SLC47A1: variants seen among roughly 807,000 people sequenced by gnomAD.
SLC47A1 encodes the protein multidrug and toxin extrusion protein 1.
Under a neutral mutation model 65.8 loss-of-function variants are expected in SLC47A1, and 58 were observed. The ratio of observed to expected loss-of-function variants is 0.88; its 90% CI spans 0.71 to 1.10. SLC47A1 has a LOEUF of 1.10. SLC47A1 is among the 50% of genes least tolerant of loss of function. SLC47A1 has a pLI of 0.00. For missense variants in SLC47A1, 706 were observed against 719.2 expected (o/e 0.98, Z 0.21); for synonymous variants, 285 against 295.0 (o/e 0.97, Z 0.35).
At chr17:19,569,864 C>T (rs920087503) in intron 14 of SLC47A1, among the ~76,000 whole-genome samples, 2 of 152,156 alleles carry the variant, frequency 1.3e-5, no homozygotes, top group Non-Finnish European at 2.9e-5. Context: ...TTTCTATGTA[C>T]TGAGAACACT....
At chr17:19,572,724 T>C in intron 15 of SLC47A1, 56 bp from the exon 16 acceptor site, 1 of 1,549,488 alleles carries the variant, frequency 6.5e-7, no homozygotes, top group South Asian at 1.1e-5. Context: ...GGTGGTCAAG[T>C]AAAATACCAT....
At chr17:19,534,378 C>A (rs1300995433) in intron 1 of SLC47A1, 2 of 331,550 alleles carry the variant, frequency 6.0e-6, no homozygotes, top group East Asian at 1.0e-4. Context: ...CAGGAGACAC[C>A]GGAGAGCTGG....
intron 16 of SLC47A1, among the ~76,000 whole-genome samples, chr17:19,576,607 A>G (rs951800799): frequency 2.0e-5 from 3 of 152,040 alleles, no homozygotes; most frequent in Non-Finnish European, 4.4e-5. Flanking sequence ...TCAGCATCCC[A>G]AAGTGTTGGA....
At chr17:19,539,443 T>C (rs1270188621) in intron 1 of SLC47A1, among the ~76,000 whole-genome samples, 1 of 151,770 alleles carries the variant, frequency 6.6e-6, no homozygotes, top group African/African-American at 2.4e-5. Context: ...TGAGGGAGCA[T>C]GGGGATATAC....
At chr17:19,552,559 G>C (rs1048169946) in intron 6 of SLC47A1, among the ~76,000 whole-genome samples, 1 of 152,178 alleles carries the variant, frequency 6.6e-6, no homozygotes, top group African/African-American at 2.4e-5. Context: ...CACTGTGGTG[G>C]CCCTAACCTC....
At chr17:19,534,212 G>C (rs1354017500) in intron 1 of SLC47A1, 138 bp downstream of exon 1, 2 of 1,165,554 alleles carry the variant, frequency 1.7e-6, no homozygotes, top group Admixed American at 3.5e-5. Context: ...CATCGTGCCA[G>C]GAGCCGGGCG....
At chr17:19,555,166 C>T in intron 6 of SLC47A1, 46 bp from the exon 7 acceptor site, 4 of 1,557,548 alleles carry the variant, frequency 2.6e-6, no homozygotes, top group Non-Finnish European at 3.5e-6. Context: ...GAAAGGCAGT[C>T]CTATTCTGTG....
chr17:19,543,268 TC>T, intron 2 of SLC47A1, among the ~76,000 whole-genome samples: 1 of 151,400 alleles, frequency 6.6e-6, no homozygotes, highest in African/African-American at 2.4e-5. Context: ...TGCCACCATG[TC>T]TGGCTAATTT....
At position 19,572,778 on chromosome 17, in the gene SLC47A1, A is replaced by G. The variant is rs765491619; in HGVS notation, c.1405-2A>G. On this transcript the variant is annotated splice_acceptor_variant, in intron 15 of 16. Transcript: ENST00000270570. LOFTEE classifies it high-confidence loss of function. ...CCTGATGGACTGAGTTTCATTTTCC[A>G]GGCTCAGGTACACGCCAATTTGAAA... 1 of 1,613,910 alleles carries G rather than the reference A, an allele frequency of 6.2e-7. No homozygotes were observed. The highest frequency in any genetic ancestry group is 8.5e-7 in the Non-Finnish European group (1 of 1,179,902).
chr17:19,577,292 C>A, intron 16 of SLC47A1, 35 bp from the exon 17 acceptor site: 1 of 1,589,624 alleles, frequency 6.3e-7, no homozygotes, highest in Non-Finnish European at 8.5e-7. Context: ...AAAAAAAAAT[C>A]CCTTTTAAGC....
intron 16 of SLC47A1, among the ~76,000 whole-genome samples, chr17:19,573,432 A>G (rs1277668518): frequency 3.3e-5 from 5 of 151,518 alleles, no homozygotes; most frequent in Non-Finnish European, 4.4e-5. Context: ...GTTTCTGCCA[A>G]TTTTCATTCA....
Position 19,571,586 on chromosome 17 carries a change from T to A in SLC47A1, c.1404+14T>A. On this transcript the variant is annotated intron_variant, in intron 15 of 16. Transcript: ENST00000270570. ...GCCTGTCAGCAGGTAACTATGTTCA[T>A]TCTGTCCCGGTAAAGGTTCCTCTCC... The A allele has an allele frequency of 6.2e-7, 1 of 1,604,046 alleles. No individual in the cohort carries two copies. The highest frequency in any genetic ancestry group is 1.7e-5 in the Admixed American group (1 of 59,786).
At chr17:19,575,401 C>CTTTTT (rs1215041320) in intron 16 of SLC47A1, among the ~76,000 whole-genome samples, 1 of 137,172 alleles carries the variant, frequency 7.3e-6, no homozygotes, top group Non-Finnish European at 1.6e-5. Context: ...ATTATTATTC[C>CTTTTT]TTTTTTTTTT....
chr17:19,551,147 A>G (rs1341972454), intron 5 of SLC47A1, among the ~76,000 whole-genome samples: 1 of 152,182 alleles, frequency 6.6e-6, no homozygotes, highest in East Asian at 1.9e-4. Flanking sequence ...CAGTGTCCCC[A>G]GAAGAGTCCT....
At chr17:19,557,606 T>C in intron 10 of SLC47A1, 1 of 517,746 alleles carries the variant, frequency 1.9e-6, no homozygotes, top group South Asian at 1.4e-5. Context: ...AGCTGGCCCA[T>C]GGGTGACCCT....
At chr17:19,534,994 G>A (rs1488554505) in intron 1 of SLC47A1, 1 of 152,380 alleles carries the variant, frequency 6.6e-6, no homozygotes, top group African/African-American at 2.4e-5. Context: ...CGGGCTGAGG[G>A]GGGCCGCTGT....
chr17:19,549,868 G>T (rs1256577710), intron 5 of SLC47A1, among the ~76,000 whole-genome samples, 191 bp downstream of exon 5: 2 of 152,186 alleles, frequency 1.3e-5, no homozygotes, highest in Non-Finnish European at 2.9e-5. Context: ...GGAACACCAA[G>T]ATTGAGGCTA....
chr17:19,550,425 C>T (rs193022568), intron 5 of SLC47A1, among the ~76,000 whole-genome samples: 2 of 152,322 alleles, frequency 1.3e-5, no homozygotes, highest in African/African-American at 4.8e-5. Flanking sequence ...AAGTGATCCT[C>T]CCACCTCAGC....
chr17:19,577,632 T>C lies in SLC47A1; in HGVS notation c.*79T>C, dbSNP rs1004517028. Reference sequence around the variant, plus strand: ...CACAGGCCCACCAGTGACAATTTACTGTGAGTTAATGTCATTCAGGTGTGC... The same window carrying C: ...CACAGGCCCACCAGTGACAATTTACCGTGAGTTAATGTCATTCAGGTGTGC... On this transcript the variant is annotated 3_prime_UTR_variant, in exon 17 of 17. Coordinates refer to ENST00000270570, the MANE Select transcript of SLC47A1 (RefSeq NM_018242.3). The C allele has an allele frequency of 8.6e-5, 136 of 1,577,622 alleles. No homozygotes were observed. The highest frequency in any genetic ancestry group is 1.1e-4 in the Non-Finnish European group (130 of 1,162,176).
Sources: gnomAD v4.1 joint callset for allele counts (sites outside exome capture counted in the v4.1 genomes callset) on GRCh38, gnomAD v4.1.1 for gene constraint, MANE v1.5 for transcripts, NCBI Gene and HGNC (gene_info 2026-07-23, HGNC 2026-07-21) for gene names.